The following PPARGC1A variants were observed in gnomAD, a reference collection of about 807,000 sequenced individuals.
The protein encoded by PPARGC1A is PPARG coactivator 1 alpha.
PPARGC1A carries 25 observed loss-of-function variants against 88.7 expected under a neutral mutation model. The observed-to-expected ratio is 0.28, with a 90% CI of 0.21 to 0.39. The LOEUF (loss-of-function observed/expected upper bound fraction) is 0.39, where lower values mean the gene tolerates loss of function less well. Among genes scored for constraint, PPARGC1A ranks in the 10% least tolerant of loss-of-function variants. The probability of loss-of-function intolerance (pLI) is 1.00; values close to 1 mark genes in which losing one functional copy is unlikely to be tolerated. For synonymous variants in PPARGC1A, 363 were observed against 355.6 expected (o/e 1.02, Z -0.24); for missense variants, 880 against 968.7 (o/e 0.91, Z 1.22).
the PPARGC1A span, among the ~76,000 whole-genome samples, chr4:24,384,167 A>G: frequency 1.3e-5 from 2 of 152,202 alleles, no homozygotes; most frequent in Non-Finnish European, 2.9e-5. Context: ...AAAATCCTTT[A>G]CAGACAAGCA....
the PPARGC1A span, among the ~76,000 whole-genome samples, chr4:24,004,382 C>T: frequency 1.3e-5 from 2 of 152,168 alleles, no homozygotes; most frequent in South Asian, 2.1e-4. Context: ...CACAACACTC[C>T]GTGACTTTAG....
chr4:24,237,102 GT>G, the PPARGC1A span, among the ~76,000 whole-genome samples: 1 of 151,988 alleles, frequency 6.6e-6, no homozygotes, highest in Non-Finnish European at 1.5e-5. Context: ...TGGTACTATG[GT>G]TTTATTAGAT....
chr4:24,153,648 A>C, the PPARGC1A span, among the ~76,000 whole-genome samples: 2 of 152,194 alleles, frequency 1.3e-5, no homozygotes, highest in African/African-American at 2.4e-5. Flanking sequence ...AATTTCATAA[A>C]ATGCTGTAAA....
At chr4:23,995,419 G>T in the PPARGC1A span, among the ~76,000 whole-genome samples, 1 of 152,198 alleles carries the variant, frequency 6.6e-6, no homozygotes, top group African/African-American at 2.4e-5. Context: ...CTAAAGACTT[G>T]TTCACCATTT....
At chr4:24,221,346 T>C in the PPARGC1A span, among the ~76,000 whole-genome samples, 1 of 152,192 alleles carries the variant, frequency 6.6e-6, no homozygotes, top group Non-Finnish European at 1.5e-5. Context: ...TTAATCTTTA[T>C]GGCAAACCTA....
intron 12 of PPARGC1A, 93 bp downstream of exon 12, chr4:23,801,637 A>G: frequency 7.4e-7 from 1 of 1,349,812 alleles, no homozygotes; most frequent in Non-Finnish European, 1.0e-6. Context: ...AAATAAAGTG[A>G]TGGTTCAACC....
the PPARGC1A span, among the ~76,000 whole-genome samples, chr4:24,090,644 G>T: frequency 2.7e-3 from 416 of 151,902 alleles, 5 homozygotes; most frequent in East Asian, 0.051. Context: ...TTTTCCATAC[G>T]CCAGCAGCAT....
intron 2 of PPARGC1A, among the ~76,000 whole-genome samples, chr4:23,838,918 A>G (rs1336300539): frequency 2.0e-5 from 3 of 152,094 alleles, no homozygotes; most frequent in South Asian, 2.1e-4. Flanking sequence ...AAAAAAATGT[A>G]TAATCTGTAC....
chr4:24,211,882 TC>T, the PPARGC1A span, among the ~76,000 whole-genome samples: 1 of 152,200 alleles, frequency 6.6e-6, no homozygotes, highest in Non-Finnish European at 1.5e-5. Context: ...ATATTCTACC[TC>T]CACGATGCTA....
intron 2 of PPARGC1A, chr4:23,866,181 A>T (rs1453425329): frequency 6.6e-6 from 1 of 152,210 alleles, no homozygotes; most frequent in Non-Finnish European, 1.5e-5. Flanking sequence ...TACACACTGC[A>T]AAGTCACTGA....
intron 1 of PPARGC1A, among the ~76,000 whole-genome samples, chr4:23,895,761 A>G (rs1718480941): frequency 6.6e-6 from 1 of 152,018 alleles, no homozygotes; most frequent in Non-Finnish European, 1.5e-5. Context: ...ACTTCTAAAA[A>G]CCTCATAGAC....
chr4:24,333,124 C>G, the PPARGC1A span, among the ~76,000 whole-genome samples: 2 of 152,142 alleles, frequency 1.3e-5, no homozygotes, highest in African/African-American at 4.8e-5. Flanking sequence ...CGCCTGTAAT[C>G]CCAGCTACTC....
the PPARGC1A span, among the ~76,000 whole-genome samples, chr4:24,063,653 C>T: frequency 6.6e-6 from 1 of 152,138 alleles, no homozygotes; most frequent in African/African-American, 2.4e-5. Flanking sequence ...TTGCAGCTTC[C>T]ATAAAGCATC....
At chr4:24,202,423 A>C in the PPARGC1A span, among the ~76,000 whole-genome samples, 2 of 152,036 alleles carry the variant, frequency 1.3e-5, no homozygotes, top group African/African-American at 4.8e-5. Context: ...AGGCACATGC[A>C]AAGTTCTCAA....
the PPARGC1A span, among the ~76,000 whole-genome samples, chr4:24,097,997 A>G: frequency 1.3e-5 from 2 of 152,242 alleles, no homozygotes; most frequent in Admixed American, 1.3e-4. Context: ...GCCTGTTAAT[A>G]TAATTACATA....
At chr4:24,028,127 A>G in the PPARGC1A span, among the ~76,000 whole-genome samples, 5 of 152,026 alleles carry the variant, frequency 3.3e-5, no homozygotes, top group African/African-American at 1.2e-4. Flanking sequence ...CAAGGAAAAA[A>G]AAATCTGTAG....
the PPARGC1A span, among the ~76,000 whole-genome samples, chr4:24,036,915 T>G: frequency 6.6e-6 from 1 of 152,250 alleles, no homozygotes; most frequent in Non-Finnish European, 1.5e-5. Context: ...AGGTACTTAC[T>G]GAGCACTATG....
chr4:24,319,598 A>G, the PPARGC1A span, among the ~76,000 whole-genome samples: 1 of 152,250 alleles, frequency 6.6e-6, no homozygotes, highest in African/African-American at 2.4e-5. Flanking sequence ...GGCTTTTAAC[A>G]TAACACAGTG....
chr4:24,401,522 A>G, the PPARGC1A span, among the ~76,000 whole-genome samples: 2 of 144,340 alleles, frequency 1.4e-5, no homozygotes, highest in Non-Finnish European at 3.2e-5. Context: ...AACCGCACCC[A>G]CCTTCAGAGC....
Sources: allele counts gnomAD v4.1 joint callset (sites outside exome capture counted in the v4.1 genomes callset), GRCh38; gene constraint gnomAD v4.1.1; transcripts MANE v1.5; gene names NCBI Gene and HGNC (gene_info 2026-07-23, HGNC 2026-07-21).